The following SGCA variants were observed in gnomAD, a reference collection of about 807,000 sequenced individuals.
SGCA encodes alpha-sarcoglycan.
SGCA carries 34 observed loss-of-function variants against 38.1 expected under a neutral mutation model. The ratio of observed to expected loss-of-function variants is 0.89; its 90% CI spans 0.68 to 1.19. The LOEUF (loss-of-function observed/expected upper bound fraction) is 1.19. Ranked by LOEUF, SGCA falls within the 50% of genes most tolerant of loss-of-function variation. The pLI is 0.00. For synonymous variants in SGCA, 209 were observed against 214.6 expected (o/e 0.97, Z 0.23); for missense variants, 476 against 524.9 (o/e 0.91, Z 0.91).
chr17:50,169,770 G>A (rs1015005737), intron 6 of SGCA: 13 of 404,986 alleles, frequency 3.2e-5, no homozygotes, highest in African/African-American at 1.6e-4. Context: ...TTGACCAACA[G>A]AGCAGGGACT....
chr17:50,168,289 G>T (rs1179410789), intron 4 of SGCA, 85 bp from the exon 5 acceptor site: 2 of 1,204,844 alleles, frequency 1.7e-6, no homozygotes, highest in African/African-American at 1.5e-5. Flanking sequence ...GGGGTGTGCA[G>T]GGATGTGGGG....
At chr17:50,168,862 T>C (rs547948789) in intron 5 of SGCA, among the ~76,000 whole-genome samples, 2 of 152,062 alleles carry the variant, frequency 1.3e-5, no homozygotes, top group South Asian at 4.2e-4. Flanking sequence ...CCTAGAAGAA[T>C]GGGGTGCCCT....
At chr17:50,169,013 G>A in intron 5 of SGCA, 79 bp from the exon 6 acceptor site, 1 of 1,391,804 alleles carries the variant, frequency 7.2e-7, no homozygotes, top group South Asian at 1.2e-5. Context: ...AATTAGGAAA[G>A]TTTCAACAAC....
chr17:50,166,294 G>A (rs1422734865), intron 1 of SGCA, among the ~76,000 whole-genome samples: 1 of 152,110 alleles, frequency 6.6e-6, no homozygotes. Context: ...AGCTCTGAGG[G>A]CTGGAGGTGT....
Position 50,167,559 on chromosome 17 carries a change from T to A in SGCA, c.158-23T>A, listed in dbSNP as rs1416696330. ...CGCAGGGCTCCTGCTGTGACTCGAA[T>A]CCCCTCTCCTCGCTTCCACCAGCTG... On this transcript the variant is annotated intron_variant, in intron 2 of 9. Coordinates refer to ENST00000262018, the MANE Select transcript of SGCA (RefSeq NM_000023.4). The surrounding 1 kb of genome is among the most constrained non-coding windows in gnomAD (Gnocchi z 4.5). 1.2e-6 allele frequency: 2 copies of A among 1,613,590 alleles called. No individual in the cohort carries two copies. Among genetic ancestry groups the A allele is most frequent in the Admixed American group, 1.7e-5 (1 of 60,020 alleles).
In SGCA at chr17:50,167,514, G is replaced by A. The variant is rs367733438; in HGVS notation, c.157+27G>A. ...TGAGCGGCCTGACAGGCACCCAGGCGGGCGGGCTGGGGTGTACCCCGCAGG... is the reference window on the plus strand; with the variant it reads ...TGAGCGGCCTGACAGGCACCCAGGCAGGCGGGCTGGGGTGTACCCCGCAGG... On this transcript the variant is annotated intron_variant, in intron 2 of 9. Transcript: ENST00000262018. The surrounding 1 kb of genome is among the most constrained non-coding windows in gnomAD (Gnocchi z 4.5). 1.9e-5 allele frequency: 31 copies of A among 1,613,972 alleles called. No individual in the cohort carries two copies. Among genetic ancestry groups the A allele is most frequent in the Admixed American group, 8.3e-5 (5 of 60,012 alleles).
intron 8 of SGCA, among the ~76,000 whole-genome samples, chr17:50,173,826 C>G (rs982833782): frequency 1.3e-5 from 2 of 152,216 alleles, no homozygotes; most frequent in Admixed American, 6.5e-5. Context: ...TGCTGGCCTC[C>G]CCGCAGGAGG....
chr17:50,168,020 G>C lies in SGCA; in HGVS notation c.385+1G>C. 6.2e-7 allele frequency: 1 copy of C among 1,613,226 alleles called. No homozygotes were observed. Reference sequence around the variant, plus strand: ...GTGCTGGAGATTGGGGACCCAGAAGGTACCTCTAGCTGTGCCCCATCCCTT... The same window carrying C: ...GTGCTGGAGATTGGGGACCCAGAAGCTACCTCTAGCTGTGCCCCATCCCTT... On this transcript the variant is annotated splice_donor_variant, in intron 4 of 9. Transcript: ENST00000262018. LOFTEE classifies it high-confidence loss of function.
chr17:50,170,753 G>A (rs1405255514), intron 8 of SGCA, 87 bp downstream of exon 8: 5 of 1,128,012 alleles, frequency 4.4e-6, no homozygotes, highest in Admixed American at 2.0e-5. Context: ...GAACAGCAGA[G>A]ACAAAATAAA....
chr17:50,168,532 G>A lies in SGCA; in HGVS notation c.544G>A (p.Gly182Arg). 1.3e-6 allele frequency: 2 copies of A among 1,576,342 alleles called. No homozygotes were observed. The highest frequency in any genetic ancestry group is 8.6e-7 in the Non-Finnish European group (1 of 1,160,274). ...CAACGTCACCTCTGCCTTGGACCGT[G>A]GGGGCCGTGTCCCCCTTCCCATTGA... ...LLNVTSALDRGGRVPLPIEGR... is the reference protein window; with the variant it reads ...LLNVTSALDRRGRVPLPIEGR... Residue 182 changes from glycine to arginine, a missense_variant, in exon 5 of 10, where the codon GGG becomes AGG. Transcript: ENST00000262018.
chr17:50,166,659 C>A (rs901147740), intron 1 of SGCA, among the ~76,000 whole-genome samples: 1 of 151,356 alleles, frequency 6.6e-6, no homozygotes. Flanking sequence ...CACATACACA[C>A]CCTCACACAC....
intron 8 of SGCA, 132 bp downstream of exon 8, chr17:50,170,798 C>T (rs1905322546): frequency 2.5e-6 from 2 of 791,310 alleles, no homozygotes; most frequent in South Asian, 3.0e-5. Context: ...TTCCCTTGAC[C>T]TCTGTAATCC....
At chr17:50,170,419 C>T in intron 7 of SGCA, 68 bp downstream of exon 7, 2 of 1,500,948 alleles carry the variant, frequency 1.3e-6, no homozygotes, top group Admixed American at 3.4e-5. Flanking sequence ...CACAGTGGCA[C>T]TTGTGCTGTA....
chr17:50,173,020 T>C (rs1905585165), intron 8 of SGCA, among the ~76,000 whole-genome samples: 1 of 152,240 alleles, frequency 6.6e-6, no homozygotes, highest in Non-Finnish European at 1.5e-5. Context: ...CTGGGGATAT[T>C]CTCTTGTGAC....
chr17:50,171,996 T>C (rs1905460786), intron 8 of SGCA: 1 of 456,598 alleles, frequency 2.2e-6, no homozygotes, highest in South Asian at 1.5e-5. Flanking sequence ...ACAGCACTGA[T>C]GGAGACAGTG....
intron 6 of SGCA, chr17:50,169,459 A>G: frequency 3.9e-6 from 2 of 506,822 alleles, no homozygotes; most frequent in Non-Finnish European, 6.8e-6. Flanking sequence ...CTGAAGTTCT[A>G]CCTTTCCCCC....
Position 50,170,199 on chromosome 17 carries a change from C to A in SGCA, c.804C>A (p.Ile268=). ...AGGTGCCCACCCCAGGTGATGGGAT[C>A]CTGGAGCATGACCCGTTCTTCTGCC... is the stretch of plus-strand genomic sequence containing the variant. ...ADEVPTPGDG[I]LEHDPFFCPP... Residue 268 remains isoleucine, a synonymous_variant, in exon 7 of 10, where the codon ATC becomes ATA. Coordinates refer to ENST00000262018, the MANE Select transcript of SGCA (RefSeq NM_000023.4). 6.2e-7 allele frequency: 1 copy of A among 1,614,156 alleles called. No homozygotes were observed. The highest frequency in any genetic ancestry group is 8.5e-7 in the Non-Finnish European group (1 of 1,180,028).
intron 8 of SGCA, among the ~76,000 whole-genome samples, chr17:50,170,905 A>T (rs944112892): frequency 2.0e-4 from 31 of 151,996 alleles, no homozygotes; most frequent in South Asian, 1.2e-3. Flanking sequence ...ACAAAAAAAA[A>T]ATTTTTTAAC....
rs2144494625 is a variant in SGCA, at chr17:50,167,734, G to A, written c.310G>A (p.Glu104Lys). The A allele has an allele frequency of 3.1e-6, 5 of 1,609,038 alleles. No homozygotes were observed. Among genetic ancestry groups the A allele is most frequent in the Non-Finnish European group, 4.2e-6 (5 of 1,176,598 alleles). Reference sequence around the variant, plus strand: ...AGAAGATCGTGGGCTCCAGGTCATTGAGGTGCCGTCAGGGACCCTGAGAAA... The same window carrying A: ...AGAAGATCGTGGGCTCCAGGTCATTAAGGTGCCGTCAGGGACCCTGAGAAA... ...TPEDRGLQVI[E>K]VTAYNRDSFD... is the part of the protein sequence containing the mutation. Residue 104 changes from glutamate to lysine, a missense_variant and splice_region_variant, in exon 3 of 10, where the codon GAG becomes AAG. By Grantham distance (56) the Glu-to-Lys change is moderately conservative (BLOSUM62 1). Transcript: ENST00000262018. This position sits in a 1 kb window ranked among gnomAD's most constrained non-coding sequence, Gnocchi z 4.5.
Sources: allele counts gnomAD v4.1 joint callset (sites outside exome capture counted in the v4.1 genomes callset), GRCh38; gene constraint gnomAD v4.1.1; non-coding constraint Gnocchi (gnomAD v3.1); transcripts MANE v1.5; gene names NCBI Gene and HGNC (gene_info 2026-07-23, HGNC 2026-07-21).